The following UBASH3B variants were observed in gnomAD, a reference collection of about 807,000 sequenced individuals.
The protein encoded by UBASH3B is ubiquitin-associated and SH3 domain-containing protein B.
UBASH3B carries 37 observed loss-of-function variants against 83.4 expected under a neutral mutation model. The ratio of observed to expected loss-of-function variants is 0.44; its 90% CI spans 0.34 to 0.58. The LOEUF (loss-of-function observed/expected upper bound fraction) is 0.58, where lower values mean the gene tolerates loss of function less well. Ranked by LOEUF, UBASH3B falls within the 20% of genes least tolerant of loss-of-function variation. UBASH3B has a pLI of 0.01. For synonymous variants in UBASH3B, 304 were observed against 318.3 expected (o/e 0.96, Z 0.48); for missense variants, 657 against 827.2 (o/e 0.79, Z 2.52).
intron 1 of UBASH3B, among the ~76,000 whole-genome samples, chr11:122,706,418 A>C (rs1864120855): frequency 6.6e-6 from 1 of 152,178 alleles, no homozygotes; most frequent in Non-Finnish European, 1.5e-5. Context: ...TTGTTTGCAC[A>C]TCTGGCCATC....
At chr11:122,662,239 G>T (rs1863454369) in intron 1 of UBASH3B, among the ~76,000 whole-genome samples, 1 of 151,676 alleles carries the variant, frequency 6.6e-6, no homozygotes. Context: ...AAACTTTTTT[G>T]AGTTATAACT....
chr11:122,700,136 A>G (rs888809047), intron 1 of UBASH3B, among the ~76,000 whole-genome samples: 1 of 152,186 alleles, frequency 6.6e-6, no homozygotes, highest in African/African-American at 2.4e-5. Flanking sequence ...AAACTGAGGT[A>G]ACCATCATTC....
chr11:122,686,447 A>T (rs1236037860), intron 1 of UBASH3B, among the ~76,000 whole-genome samples: 2 of 152,168 alleles, frequency 1.3e-5, no homozygotes, highest in African/African-American at 4.8e-5. Context: ...CCTAACCGGG[A>T]TCCAAGGATG....
intron 1 of UBASH3B, among the ~76,000 whole-genome samples, chr11:122,719,610 G>T (rs34373496): frequency 0.073 from 11,174 of 152,202 alleles, 477 homozygotes; most frequent in Middle Eastern, 0.13. Context: ...AGCCTTAGTA[G>T]CTGGAAAGAT....
intron 1 of UBASH3B, among the ~76,000 whole-genome samples, chr11:122,757,323 T>C (rs10790526): frequency 0.36 from 54,574 of 151,972 alleles, 10,861 homozygotes; most frequent in Non-Finnish European, 0.44. Flanking sequence ...TTCTTTTCAC[T>C]GTGTGAGGCT....
intron 13 of UBASH3B, among the ~76,000 whole-genome samples, chr11:122,809,187 G>T (rs1381012272): frequency 3.9e-5 from 6 of 152,008 alleles, no homozygotes. Flanking sequence ...CGATTCTCCT[G>T]ATTCAGCCTC....
intron 1 of UBASH3B, among the ~76,000 whole-genome samples, chr11:122,686,058 C>T (rs866526899): frequency 6.6e-6 from 1 of 152,164 alleles, no homozygotes; most frequent in Non-Finnish European, 1.5e-5. Context: ...GACCACCAGT[C>T]CCTTCTCCCT....
chr11:122,736,563 G>A (rs1243161931), intron 1 of UBASH3B, among the ~76,000 whole-genome samples: 1 of 148,698 alleles, frequency 6.7e-6, no homozygotes, highest in Admixed American at 6.7e-5. Context: ...TAGAAGGTGG[G>A]GCTTTAGCGA....
At chr11:122,683,889 T>G (rs950657763) in intron 1 of UBASH3B, among the ~76,000 whole-genome samples, 1 of 152,118 alleles carries the variant, frequency 6.6e-6, no homozygotes, top group Non-Finnish European at 1.5e-5. Flanking sequence ...TTCTTGTTGA[T>G]GACGAGGTCT....
chr11:122,659,195 TA>T (rs34441747), intron 1 of UBASH3B, among the ~76,000 whole-genome samples: 1,972 of 151,574 alleles, frequency 0.013, 14 homozygotes, highest in South Asian at 0.019. Context: ...CAAAGTCCTT[TA>T]AAAAAAAATG....
At chr11:122,706,019 C>A (rs1163266944) in intron 1 of UBASH3B, among the ~76,000 whole-genome samples, 1 of 152,048 alleles carries the variant, frequency 6.6e-6, no homozygotes, top group Non-Finnish European at 1.5e-5. Flanking sequence ...CACCTCATGT[C>A]CATTCTGAAG....
In UBASH3B at chr11:122,793,744, T is replaced by TA. The variant is rs1207169493; in HGVS notation, c.981-957dup. On this transcript the variant is annotated intron_variant, in intron 6 of 13. Transcript: ENST00000284273. ...TTTTAGGCTTCTGTAGCTATAGTGTTACACTCAGAAATGACAGTTCTTGGC... is the reference window on the plus strand; with the variant it reads ...TTTTAGGCTTCTGTAGCTATAGTGTTAACACTCAGAAATGACAGTTCTTGGC... Among the ~76,000 whole-genome samples, 5 of 152,356 alleles carry TA rather than the reference T, an allele frequency of 3.3e-5. No individual in the cohort carries two copies. In the East Asian group the frequency reaches 9.6e-4, roughly 29 times the overall value.
chr11:122,791,460 G>A (rs749500204), intron 6 of UBASH3B, among the ~76,000 whole-genome samples: 4 of 152,144 alleles, frequency 2.6e-5, no homozygotes, highest in East Asian at 1.9e-4. Flanking sequence ...CTATAAAATC[G>A]CCATTTGCAT....
At chr11:122,694,377 A>G (rs970246679) in intron 1 of UBASH3B, among the ~76,000 whole-genome samples, 1 of 152,138 alleles carries the variant, frequency 6.6e-6, no homozygotes, top group Admixed American at 6.5e-5. Context: ...AGTTATTTGA[A>G]TAAAAGTAGA....
rs1288984185 is a variant in UBASH3B, at chr11:122,721,378, GGGT to G, written c.162-54838_162-54836del. Reference sequence around the variant, plus strand: ...GCAAATCTTCCACAGCACTACGGGGGGGTGGGAGTGGGAATGTGGTGGCTGGGA... The same window carrying G: ...GCAAATCTTCCACAGCACTACGGGGGGGGAGTGGGAATGTGGTGGCTGGGA... On this transcript the variant is annotated intron_variant, in intron 1 of 13. Coordinates refer to ENST00000284273, the MANE Select transcript of UBASH3B (RefSeq NM_032873.5). 2.6e-5 allele frequency among the ~76,000 whole-genome samples: 4 copies of G among 152,274 alleles called. No homozygotes were observed. In the East Asian group the frequency reaches 7.7e-4, roughly 29 times the overall value.
At chr11:122,717,069 T>A (rs1860537705) in intron 1 of UBASH3B, among the ~76,000 whole-genome samples, 1 of 152,184 alleles carries the variant, frequency 6.6e-6, no homozygotes, top group Non-Finnish European at 1.5e-5. Context: ...GGATCAGGAC[T>A]ATGCTTAGGA....
chr11:122,679,516 A>G (rs180696972), intron 1 of UBASH3B, among the ~76,000 whole-genome samples: 1,759 of 152,286 alleles, frequency 0.012, 136 homozygotes, highest in Admixed American at 0.11. Context: ...CAAACCCACT[A>G]CGTTAGAATC....
intron 1 of UBASH3B, among the ~76,000 whole-genome samples, chr11:122,710,738 T>C (rs1032236854): frequency 5.9e-5 from 9 of 151,916 alleles, no homozygotes; most frequent in African/African-American, 9.7e-5. Flanking sequence ...GGACGGGGCA[T>C]GTAGAATTGG....
intron 1 of UBASH3B, among the ~76,000 whole-genome samples, chr11:122,697,434 C>CAAAT (rs917839431): frequency 3.9e-5 from 6 of 152,056 alleles, no homozygotes; most frequent in South Asian, 2.1e-4. Context: ...AACTACGTCT[C>CAAAT]AAATAAATAA....
Sources: gnomAD v4.1 joint callset for allele counts (sites outside exome capture counted in the v4.1 genomes callset) on GRCh38, gnomAD v4.1.1 for gene constraint, MANE v1.5 for transcripts, NCBI Gene and HGNC (gene_info 2026-07-23, HGNC 2026-07-21) for gene names.